Variants in SLC17A4 observed in about 807,000 individuals in gnomAD.
SLC17A4 encodes probable small intestine urate exporter.
A neutral mutation model predicts 52.5 loss-of-function variants in SLC17A4; 33 were observed. That is an observed-to-expected ratio of 0.63 (90% CI 0.48 to 0.84). The LOEUF is 0.84. SLC17A4 is among the 40% of genes least tolerant of loss of function. The probability of loss-of-function intolerance (pLI) is 0.00; values close to 1 mark genes in which losing one functional copy is unlikely to be tolerated. For missense variants in SLC17A4, 585 were observed against 597.1 expected (o/e 0.98, Z 0.21); for synonymous variants, 225 against 216.2 (o/e 1.04, Z -0.36).
intron 6 of SLC17A4, 99 bp from the exon 7 acceptor site, chr6:25,773,176 C>A: frequency 1.1e-6 from 1 of 907,082 alleles, no homozygotes. Flanking sequence ...GAGTGGTGTA[C>A]TGAGGCCAGT....
At chr6:25,755,280 C>T (rs13194155) in intron 1 of SLC17A4, among the ~76,000 whole-genome samples, 36,149 of 151,924 alleles carry the variant, frequency 0.24, 4,901 homozygotes, top group Non-Finnish European at 0.3. Flanking sequence ...TTGGTTCCAG[C>T]GAATTTATGG....
chr6:25,770,843 C>A, intron 5 of SLC17A4, 83 bp from the exon 6 acceptor site: 1 of 1,050,774 alleles, frequency 9.5e-7, no homozygotes, highest in Non-Finnish European at 1.5e-6. Flanking sequence ...CCTTCACTCA[C>A]TGTGCAACTC....
At chr6:25,773,457 G>A in intron 7 of SLC17A4, 56 bp from the exon 8 acceptor site, 2 of 1,612,800 alleles carry the variant, frequency 1.2e-6, no homozygotes, top group Non-Finnish European at 1.7e-6. Flanking sequence ...GATGAAGAAT[G>A]TGATAGAGAG....
chr6:25,769,289 G>T, intron 3 of SLC17A4, 99 bp downstream of exon 3: 1 of 1,117,792 alleles, frequency 8.9e-7, no homozygotes, highest in South Asian at 1.5e-5. Context: ...AGTATTTACT[G>T]AACATGTACT....
At chr6:25,766,758 G>A (rs1762059148) in intron 2 of SLC17A4, among the ~76,000 whole-genome samples, 1 of 152,176 alleles carries the variant, frequency 6.6e-6, no homozygotes, top group Admixed American at 6.5e-5. Flanking sequence ...CCTGACTGGT[G>A]CGTTTCAAAA....
At chr6:25,757,416 C>G (rs935408972) in intron 1 of SLC17A4, among the ~76,000 whole-genome samples, 1 of 152,084 alleles carries the variant, frequency 6.6e-6, no homozygotes, top group Non-Finnish European at 1.5e-5. Flanking sequence ...TGTAACTTCT[C>G]TGATCATTGT....
At position 25,760,673 on chromosome 6, in the gene SLC17A4, T is replaced by C. The variant is rs532004028; in HGVS notation, c.-36-1254T>C. On this transcript the variant is annotated intron_variant, in intron 1 of 11. Transcript: ENST00000377905. The stretch of plus-strand genomic sequence containing the variant: ...TTGCTGTCATCCCTCATCATCTCAC[T>C]GAGCTTTATTCTGTACAATTTACAT... 3.3e-5 allele frequency among the ~76,000 whole-genome samples: 5 copies of C among 152,338 alleles called. No individual in the cohort carries two copies. In the East Asian group the frequency reaches 9.6e-4, roughly 29 times the overall value.
intron 8 of SLC17A4, among the ~76,000 whole-genome samples, chr6:25,776,179 T>A (rs1762899329): frequency 6.6e-6 from 1 of 152,166 alleles, no homozygotes; most frequent in South Asian, 2.1e-4. Flanking sequence ...GCCAATTTGA[T>A]CCATGAAAAA....
rs987096665 is a variant in SLC17A4 at position 25,779,179 on chromosome 6, C to A, written c.1485C>A (p.Thr495=). ...VQDWAKEQTF[T]HL Reference sequence around the variant, plus strand: ...ACTGGGCTAAAGAGCAGACATTCACCCACCTCTGAGCAAACCGAGAGATGT... The same window carrying A: ...ACTGGGCTAAAGAGCAGACATTCACACACCTCTGAGCAAACCGAGAGATGT... The change falls in exon 12 of 12, where the codon ACC becomes ACA. Residue 495 remains threonine, a synonymous_variant. Transcript: ENST00000377905. The A allele has an allele frequency of 6.2e-7, 1 of 1,613,514 alleles. No homozygotes were observed. The highest frequency in any genetic ancestry group is 1.3e-5 in the African/African-American group (1 of 74,870).
rs1763180755 is a variant in SLC17A4 at position 25,779,216 on chromosome 6, G to T, written c.*28G>T. On this transcript the variant is annotated 3_prime_UTR_variant, in exon 12 of 12. Transcript: ENST00000377905. ...AAACCGAGAGATGTGCTAGATCCTG[G>T]TGCTTAGTTCATCATTGTTTTCCCT... is the stretch of plus-strand genomic sequence containing the variant. 6.8e-6 allele frequency: 11 copies of T among 1,611,250 alleles called. No homozygotes were observed. The highest frequency in any genetic ancestry group is 6.8e-6 in the Non-Finnish European group (8 of 1,178,532).
chr6:25,775,251 G>A (rs965740468), intron 8 of SLC17A4, among the ~76,000 whole-genome samples: 20 of 151,580 alleles, frequency 1.3e-4, no homozygotes, highest in Non-Finnish European at 2.5e-4. Context: ...AGAATCGCTT[G>A]AGCTGGTGAG....
chr6:25,774,499 A>G (rs566793173), intron 8 of SLC17A4, among the ~76,000 whole-genome samples: 1 of 152,324 alleles, frequency 6.6e-6, no homozygotes, highest in African/African-American at 2.4e-5. Context: ...GCATGCAAGC[A>G]GGCTGCAGGC....
chr6:25,771,018 T>G lies in SLC17A4; in HGVS notation c.706+6T>G. On this transcript the variant is annotated splice_donor_region_variant and intron_variant, in intron 6 of 11. Transcript: ENST00000377905. ...TTACGTCTTCTATATCTTTGGTGAG[T>G]GTGCTTTTCAAATCTCCAATTTTTA... The G allele has an allele frequency of 6.2e-7, 1 of 1,611,900 alleles. No homozygotes were observed. The highest frequency in any genetic ancestry group is 1.7e-4 in the Middle Eastern group (1 of 6,048).
rs1449071232 is a variant in SLC17A4 at position 25,777,501 on chromosome 6, A to C, written c.1269-425A>C. 2.5e-5 allele frequency: 4 copies of C among 158,174 alleles called. No individual in the cohort carries two copies. In the Admixed American group the frequency reaches 2.6e-4, roughly 10 times the overall value. 9.8% of individuals were successfully genotyped at this position (158,174 alleles called of 1,614,324 possible). On this transcript the variant is annotated intron_variant, in intron 10 of 11. Transcript: ENST00000377905. ...AGGGGAGCCGACGTCTCATCTGGTG[A>C]GGGGTCTTTTATACCCACGGAGGGT...
intron 1 of SLC17A4, among the ~76,000 whole-genome samples, chr6:25,760,372 C>T (rs1761431373): frequency 6.6e-6 from 1 of 152,056 alleles, no homozygotes; most frequent in African/African-American, 2.4e-5. Context: ...TGTAAGTGAT[C>T]TTCTATGGTA....
intron 1 of SLC17A4, among the ~76,000 whole-genome samples, chr6:25,759,888 T>C (rs74883371): frequency 6.6e-6 from 1 of 152,228 alleles, no homozygotes; most frequent in African/African-American, 2.4e-5. Context: ...TCAGAAAATA[T>C]CTGCATTTAA....
At position 25,773,629 on chromosome 6, in the gene SLC17A4, C is replaced by G. The variant is rs760670466; in HGVS notation, c.942C>G (p.Tyr314Ter). The G allele has an allele frequency of 2.5e-6, 4 of 1,613,886 alleles. No homozygotes were observed. Residue 314 changes from tyrosine to a stop codon, truncating the protein, a stop_gained, in exon 8 of 12, where the codon TAC becomes TAG. Coordinates refer to ENST00000377905, the MANE Select transcript of SLC17A4 (RefSeq NM_005495.3). LOFTEE classifies it high-confidence loss of function. The part of the protein sequence containing the change: ...EYWLFYTIMA[Y>*]TPTYISSVLQ... Reference sequence around the variant, plus strand: ...GGCTTTTTTATACCATTATGGCGTACACACCAACGTACATCAGCTCGGTAC... The same window carrying G: ...GGCTTTTTTATACCATTATGGCGTAGACACCAACGTACATCAGCTCGGTAC...
chr6:25,760,791 G>A (rs1172697541), intron 1 of SLC17A4, among the ~76,000 whole-genome samples: 1 of 152,028 alleles, frequency 6.6e-6, no homozygotes, highest in East Asian at 1.9e-4. Flanking sequence ...TGTATTTCAA[G>A]TAGTATCTTT....
chr6:25,773,788 C>T, intron 8 of SLC17A4, 114 bp downstream of exon 8: 2 of 1,036,262 alleles, frequency 1.9e-6, no homozygotes, highest in Non-Finnish European at 1.4e-6. Context: ...TAGGACCAGG[C>T]AGGACCTCCA....
Sources: gnomAD v4.1 joint callset for allele counts (sites outside exome capture counted in the v4.1 genomes callset) on GRCh38, gnomAD v4.1.1 for gene constraint, MANE v1.5 for transcripts, NCBI Gene and HGNC (gene_info 2026-07-23, HGNC 2026-07-21) for gene names.